The following ZNF532 variants were observed in gnomAD, a reference collection of about 807,000 sequenced individuals.
ZNF532 encodes zinc finger protein 532.
Under a neutral mutation model 89.3 loss-of-function variants are expected in ZNF532, and 22 were observed. The observed-to-expected ratio is 0.25, with a 90% CI of 0.18 to 0.35. The LOEUF is 0.35. Among genes scored for constraint, ZNF532 ranks in the 10% least tolerant of loss-of-function variants. ZNF532 has a pLI of 1.00. For synonymous variants in ZNF532, 606 were observed against 649.6 expected (o/e 0.93, Z 1.02); for missense variants, 1,132 against 1,643.4 (o/e 0.69, Z 5.38).
chr18:58,970,086 A>G (rs1240914812), intron 7 of ZNF532, among the ~76,000 whole-genome samples: 5 of 152,100 alleles, frequency 3.3e-5, no homozygotes, highest in African/African-American at 4.8e-5. Flanking sequence ...GGGTTTCACT[A>G]TGTTGGTCAG....
At chr18:58,931,580 A>G (rs909165745) in intron 3 of ZNF532, 21 of 152,220 alleles carry the variant, frequency 1.4e-4, no homozygotes, top group Admixed American at 2.0e-4. Context: ...GTTTAAAACT[A>G]TTGATACCAT....
intron 2 of ZNF532, among the ~76,000 whole-genome samples, chr18:58,872,397 T>C (rs1307301627): frequency 6.6e-6 from 1 of 152,178 alleles, no homozygotes; most frequent in Non-Finnish European, 1.5e-5. Context: ...GGGCTAGTAA[T>C]GGGTATTGAT....
In ZNF532 at chr18:58,984,043, A is replaced by G. The variant is rs2068160074; in HGVS notation, c.3483A>G (p.Gln1161=). The G allele has an allele frequency of 6.2e-7, 1 of 1,611,812 alleles. No individual in the cohort carries two copies. The highest frequency in any genetic ancestry group is 1.7e-5 in the Admixed American group (1 of 59,972). The change falls in exon 10 of 10, where the codon CAA becomes CAG. Residue 1161 remains glutamine, a synonymous_variant. Coordinates refer to ENST00000591808, the MANE Select transcript of ZNF532 (RefSeq NM_001375912.1). ...GGCCTCCCCGAGGAGCAATCACTCA[A>G]CCACTGAAAAAGCTGAAAATCAATG... ...EFRPPRGAIT[Q]PLKKLKINVF... is the part of the protein sequence containing the mutation.
chr18:58,888,792 A>T lies in ZNF532; in HGVS notation c.-18+23213A>T, dbSNP rs1296253472. Among the ~76,000 whole-genome samples the T allele has an allele frequency of 1.3e-4, 7 of 53,872 alleles. No homozygotes were observed. In the East Asian group the frequency reaches 4.5e-3, roughly 34 times the overall value. The allele number at this position is 53,872 out of a possible 152,430, so 35.3% of individuals were successfully genotyped here. ...TATAATTTATATATATATAAAATAT[A>T]TATAATTTATATATATAAAAAATTA... On this transcript the variant is annotated intron_variant, in intron 2 of 9. Coordinates refer to ENST00000591808, the MANE Select transcript of ZNF532 (RefSeq NM_001375912.1).
intron 8 of ZNF532, chr18:58,980,935 C>T (rs1277273004): frequency 6.5e-6 from 1 of 155,036 alleles, no homozygotes; most frequent in African/African-American, 2.4e-5. Flanking sequence ...AACCACTGCA[C>T]CTGGCCAGCC....
chr18:58,898,880 T>G (rs2059415120), intron 2 of ZNF532, among the ~76,000 whole-genome samples: 1 of 152,204 alleles, frequency 6.6e-6, no homozygotes, highest in Admixed American at 6.5e-5. Flanking sequence ...GACCTGTCTT[T>G]CCCAGAATTC....
At chr18:58,979,835 G>A (rs2067524640) in intron 8 of ZNF532, 1 of 152,352 alleles carries the variant, frequency 6.6e-6, no homozygotes, top group Admixed American at 6.5e-5. Context: ...TTTGCCCCTT[G>A]GCTGCAGTCA....
intron 2 of ZNF532, among the ~76,000 whole-genome samples, chr18:58,892,982 CTTTTTTTTTTT>C (rs58108717): frequency 7.4e-6 from 1 of 135,292 alleles, no homozygotes; most frequent in African/African-American, 2.8e-5. Flanking sequence ...TTTGTACTTT[CTTTTTTTTTTT>C]TTTTTTGAGA....
rs907014534 is a variant in ZNF532 at position 58,924,639 on chromosome 18, C to T, written c.2346+4006C>T. On this transcript the variant is annotated intron_variant, in intron 3 of 9. Coordinates refer to ENST00000591808, the MANE Select transcript of ZNF532 (RefSeq NM_001375912.1). ...AAATAATACAGAGAGAACTTGTATA[C>T]CCTTCATCCAGTTCCCCACAATGGT... is the stretch of plus-strand genomic sequence containing the variant. 7.2e-5 allele frequency among the ~76,000 whole-genome samples: 11 copies of T among 152,274 alleles called. No individual in the cohort carries two copies. In the South Asian group the frequency reaches 8.3e-4, roughly 11 times the overall value.
intron 2 of ZNF532, among the ~76,000 whole-genome samples, chr18:58,885,232 G>A (rs999146692): frequency 1.3e-5 from 2 of 152,060 alleles, no homozygotes; most frequent in African/African-American, 4.8e-5. Flanking sequence ...CAGGTGATCT[G>A]CCCGCTTCAG....
intron 2 of ZNF532, among the ~76,000 whole-genome samples, chr18:58,882,885 G>T (rs1220889661): frequency 6.6e-6 from 1 of 152,244 alleles, no homozygotes; most frequent in Non-Finnish European, 1.5e-5. Context: ...GGAGGTTCAT[G>T]TTAGCTCTGG....
intron 7 of ZNF532, among the ~76,000 whole-genome samples, chr18:58,956,714 G>T (rs1435081460): frequency 9.2e-5 from 14 of 152,152 alleles, no homozygotes. Flanking sequence ...CCCCTTTGTT[G>T]TTAAGTCGTT....
rs201150500 is a variant in ZNF532 at position 58,959,253 on chromosome 18, G to GTTT, written c.3150+5458_3150+5460dup. ...GAACCTTAGATCTTTTCAGTTTTTT[G>GTTT]TTTTTTGTTTTTTTTTGTTTTTTTT... On this transcript the variant is annotated intron_variant, in intron 7 of 9. Transcript: ENST00000591808. Among the ~76,000 whole-genome samples the GTTT allele has an allele frequency of 3.8e-3, 467 of 121,468 alleles. 7 individuals carry two copies. The highest frequency in any genetic ancestry group is 0.012 in the East Asian group (39 of 3,200). 79.7% of individuals were successfully genotyped at this position (121,468 alleles called of 152,430 possible). A position where few individuals can be genotyped will look rare whatever the true frequency, so the allele number is the denominator to read the frequency against.
chr18:58,871,189 G>A (rs1046964372), intron 2 of ZNF532, among the ~76,000 whole-genome samples: 1 of 152,146 alleles, frequency 6.6e-6, no homozygotes, highest in Non-Finnish European at 1.5e-5. Context: ...ACCTGCAGAT[G>A]CTGCAGTAGG....
chr18:58,898,856 C>T (rs2059414330), intron 2 of ZNF532, among the ~76,000 whole-genome samples: 1 of 152,232 alleles, frequency 6.6e-6, no homozygotes, highest in Non-Finnish European at 1.5e-5. Flanking sequence ...ATACATGCCC[C>T]CTGCTTCCCC....
intron 7 of ZNF532, among the ~76,000 whole-genome samples, chr18:58,961,003 A>G (rs1349101328): frequency 1.3e-5 from 2 of 152,212 alleles, no homozygotes; most frequent in African/African-American, 2.4e-5. Flanking sequence ...GCTATAACCC[A>G]TCCTTCTTTG....
At position 58,920,624 on chromosome 18, in the gene ZNF532, G is replaced by A. The variant is rs377095155; in HGVS notation, c.2337G>A (p.Thr779=). The A allele has an allele frequency of 5.1e-6, 8 of 1,584,106 alleles. No individual in the cohort carries two copies. In the African/African-American group the frequency reaches 8.1e-5, roughly 16 times the overall value. Residue 779 remains threonine (T), a synonymous_variant, in exon 3 of 10, where the codon ACG becomes ACA. Coordinates refer to ENST00000591808, the MANE Select transcript of ZNF532 (RefSeq NM_001375912.1). The part of the protein sequence containing the change: ...LATHFQQAAD[T]SGQKTCTICQ... ...CACATTTCCAGCAGGCTGCAGATACGAGTGGACAAGTAGAGTATCATTTAA... is the reference window on the plus strand; with the variant it reads ...CACATTTCCAGCAGGCTGCAGATACAAGTGGACAAGTAGAGTATCATTTAA...
At chr18:58,938,282 A>G (rs559799915) in intron 4 of ZNF532, among the ~76,000 whole-genome samples, 41 of 152,348 alleles carry the variant, frequency 2.7e-4, no homozygotes, top group African/African-American at 9.6e-4. Flanking sequence ...CTGCAGAGAG[A>G]CCACTCTTAA....
intron 5 of ZNF532, among the ~76,000 whole-genome samples, chr18:58,945,201 G>A (rs1369103670): frequency 6.6e-6 from 1 of 152,130 alleles, no homozygotes; most frequent in African/African-American, 2.4e-5. Context: ...GTCCAAAAGG[G>A]GACCCAGGCC....
Sources: allele counts gnomAD v4.1 joint callset (sites outside exome capture counted in the v4.1 genomes callset), GRCh38; gene constraint gnomAD v4.1.1; transcripts MANE v1.5; gene names NCBI Gene and HGNC (gene_info 2026-07-23, HGNC 2026-07-21).